The following PSPC1 variants were observed in gnomAD, a reference collection of about 807,000 sequenced individuals.
The protein encoded by PSPC1 is paraspeckle component 1.
A neutral mutation model predicts 51.6 loss-of-function variants in PSPC1; 14 were observed. The observed-to-expected ratio is 0.27, with a 90% CI of 0.18 to 0.42. The LOEUF (loss-of-function observed/expected upper bound fraction) is 0.42. PSPC1 is among the 10% of genes least tolerant of loss of function. The pLI is 1.00. For synonymous variants in PSPC1, 193 were observed against 231.9 expected, an observed-to-expected ratio of 0.83 and a Z score of 1.53; for missense variants, 406 against 701.1, an observed-to-expected ratio of 0.58 and a Z score of 4.75.
At chr13:19,745,175 G>A (rs747180405) in intron 4 of PSPC1, among the ~76,000 whole-genome samples, 18 of 152,118 alleles carry the variant, frequency 1.2e-4, no homozygotes, top group African/African-American at 2.9e-4. Context: ...AAAATAAGCC[G>A]GGCATGGTGG....
rs56662113 is a variant in PSPC1 at position 19,728,439 on chromosome 13, AACACACACACACACACACAC to A, written c.1158+1780_1158+1799del. On this transcript the variant is annotated intron_variant, in intron 6 of 8. Transcript: ENST00000338910. ...TAAGAGGGCCTAATTTCAAAGCTTA[AACACACACACACACACACAC>A]ACACACACACACACACACACACACA... Among the ~76,000 whole-genome samples the A allele has an allele frequency of 3.0e-3, 431 of 144,160 alleles. 3 individuals carry two copies. Among genetic ancestry groups the A allele is most frequent in the Admixed American group, 4.7e-3 (68 of 14,522 alleles). The allele number at this position is 144,160 out of a possible 152,430, so 94.6% of individuals were successfully genotyped here.
At chr13:19,705,983 G>A in intron 7 of PSPC1, 152 bp from the exon 8 acceptor site, 2 of 527,614 alleles carry the variant, frequency 3.8e-6, no homozygotes, top group Non-Finnish European at 6.2e-6. Flanking sequence ...CTCTGTAATA[G>A]GGTATTACCT....
intron 1 of PSPC1, among the ~76,000 whole-genome samples, chr13:19,775,045 A>G (rs1888973105): frequency 6.6e-6 from 1 of 151,936 alleles, no homozygotes; most frequent in South Asian, 2.1e-4. Flanking sequence ...TTTAAATAAA[A>G]GAAACTAAAT....
chr13:19,745,016 G>A (rs1885818443), intron 4 of PSPC1, among the ~76,000 whole-genome samples: 1 of 152,128 alleles, frequency 6.6e-6, no homozygotes, highest in Admixed American at 6.6e-5. Context: ...TCCTGGCTGG[G>A]CACAGTGGCT....
At chr13:19,676,450 T>C (rs548583495) in intron 7 of PSPC1, among the ~76,000 whole-genome samples, 1 of 152,086 alleles carries the variant, frequency 6.6e-6, no homozygotes, top group African/African-American at 2.4e-5. Context: ...AGCTGTCACA[T>C]TTTTGTGCTG....
At chr13:19,746,634 G>A (rs1886018945) in intron 4 of PSPC1, among the ~76,000 whole-genome samples, 1 of 152,114 alleles carries the variant, frequency 6.6e-6, no homozygotes, top group Non-Finnish European at 1.5e-5. Context: ...CCGGGAACCG[G>A]AGGTTGTAGT....
At chr13:19,674,296 C>CAATT (rs1488805295), downstream of PSPC1, among the ~76,000 whole-genome samples, 2 of 152,136 alleles carry the variant, frequency 1.3e-5, no homozygotes, top group African/African-American at 4.8e-5. Flanking sequence ...TGAATAACTA[C>CAATT]AATTAGATAT....
chr13:19,778,272 TTAG>T (rs1282134542), intron 1 of PSPC1, among the ~76,000 whole-genome samples: 4 of 146,282 alleles, frequency 2.7e-5, no homozygotes, highest in Admixed American at 1.5e-4. Context: ...CTTAAAGGTT[TTAG>T]AAGATTAATT....
downstream of PSPC1, chr13:19,699,342 C>A (rs977799142): frequency 2.0e-5 from 3 of 151,562 alleles, no homozygotes; most frequent in Non-Finnish European, 1.5e-5. Flanking sequence ...ATTATTTCCC[C>A]AGAGTAACAG....
intron 2 of PSPC1, among the ~76,000 whole-genome samples, chr13:19,768,726 G>A (rs938380951): frequency 1.3e-5 from 2 of 150,990 alleles, no homozygotes; most frequent in South Asian, 4.2e-4. Flanking sequence ...TTTCAGGAAA[G>A]ATATATAATT....
chr13:19,714,180 T>C (rs1015940681), intron 6 of PSPC1, among the ~76,000 whole-genome samples: 1 of 152,250 alleles, frequency 6.6e-6, no homozygotes, highest in Non-Finnish European at 1.5e-5. Context: ...ATCTGCTGCA[T>C]TCTGAAGTAG....
intron 2 of PSPC1, among the ~76,000 whole-genome samples, chr13:19,771,596 C>A (rs998169126): frequency 5.3e-5 from 8 of 151,630 alleles, no homozygotes; most frequent in Non-Finnish European, 1.0e-4. Context: ...TCACCACGCC[C>A]AATTAATTTT....
chr13:19,707,180 CCT>C (rs896160029), intron 7 of PSPC1, among the ~76,000 whole-genome samples: 42 of 152,066 alleles, frequency 2.8e-4, no homozygotes, highest in African/African-American at 9.9e-4. Flanking sequence ...TTTTCTTTTT[CCT>C]CTCTTTCTCT....
intron 6 of PSPC1, among the ~76,000 whole-genome samples, chr13:19,684,283 G>C (rs538926205): frequency 2.9e-4 from 44 of 152,236 alleles, no homozygotes; most frequent in Admixed American, 5.9e-4. Context: ...GCATAATCAA[G>C]GTAAGTTTTT....
At chr13:19,779,336 T>G (rs1366656901) in intron 1 of PSPC1, among the ~76,000 whole-genome samples, 6 of 87,974 alleles carry the variant, frequency 6.8e-5, no homozygotes, top group Admixed American at 2.2e-4. Flanking sequence ...ACGTGGGGGG[T>G]CAGCCCCCCC....
intron 3 of PSPC1, among the ~76,000 whole-genome samples, chr13:19,758,897 A>G (rs958582902): frequency 1.3e-5 from 2 of 152,114 alleles, no homozygotes; most frequent in Admixed American, 6.6e-5. Context: ...TCTGGCATGA[A>G]TATTATTGAC....
chr13:19,772,873 G>C (rs779301951), intron 1 of PSPC1, among the ~76,000 whole-genome samples: 6 of 152,110 alleles, frequency 3.9e-5, no homozygotes, highest in Non-Finnish European at 8.8e-5. Context: ...TTAACAACTT[G>C]ACTAGAGGCT....
intron 6 of PSPC1, among the ~76,000 whole-genome samples, chr13:19,712,386 C>T (rs1881551848): frequency 6.6e-6 from 1 of 152,090 alleles, no homozygotes; most frequent in South Asian, 2.1e-4. Context: ...GAAAAAAGGG[C>T]ATAAACAATC....
chr13:19,704,201 A>C (rs71433541), intron 8 of PSPC1, among the ~76,000 whole-genome samples: 2 of 152,280 alleles, frequency 1.3e-5, no homozygotes, highest in Non-Finnish European at 2.9e-5. Context: ...CCAAAGTAGT[A>C]TAAGTTTTTA....
Sources: gnomAD v4.1 joint callset for allele counts (sites outside exome capture counted in the v4.1 genomes callset) on GRCh38, gnomAD v4.1.1 for gene constraint, MANE v1.5 for transcripts, NCBI Gene and HGNC (gene_info 2026-07-23, HGNC 2026-07-21) for gene names.